SLC5A1: variants seen among roughly 807,000 people sequenced by gnomAD.
SLC5A1 encodes the protein sodium/glucose cotransporter 1.
SLC5A1 carries 42 observed loss-of-function variants against 73.5 expected under a neutral mutation model. The ratio of observed to expected loss-of-function variants is 0.57; its 90% CI spans 0.45 to 0.74. SLC5A1 has a LOEUF of 0.74. SLC5A1 is among the 30% of genes least tolerant of loss of function. The pLI, the probability that SLC5A1 is intolerant of heterozygous loss-of-function variation, is 0.00. For missense variants in SLC5A1, 634 were observed against 855.4 expected (o/e 0.74, Z 3.23); for synonymous variants, 300 against 317.4 (o/e 0.95, Z 0.58).
At chr22:32,051,917 A>G (rs1446975387) in intron 2 of SLC5A1, among the ~76,000 whole-genome samples, 3 of 152,244 alleles carry the variant, frequency 2.0e-5, no homozygotes, top group Non-Finnish European at 4.4e-5. Context: ...GTGGAGGGCC[A>G]GATTTCTTGT....
intron 1 of SLC5A1, among the ~76,000 whole-genome samples, chr22:32,044,986 A>C (rs1231366774): frequency 6.6e-6 from 1 of 152,236 alleles, no homozygotes; most frequent in African/African-American, 2.4e-5. Flanking sequence ...CCAGAATGCT[A>C]ATCCCCGTTT....
rs1414911182 is a variant in SLC5A1, at chr22:32,091,738, A to T, written c.1256A>T (p.Glu419Val). Residue 419 changes from glutamate to valine, a missense_variant, in exon 11 of 15, where the codon GAG becomes GTG. Coordinates refer to ENST00000266088, the MANE Select transcript of SLC5A1 (RefSeq NM_000343.4). The stretch of plus-strand genomic sequence containing the variant: ...GCCAAGGTCCGCAAGAGAGCATCTG[A>T]GAAAGAGCTCATGATTGCCGGAAGG... ...IYAKVRKRAS[E>V]KELMIAGRLF... 6.2e-7 allele frequency: 1 copy of T among 1,614,008 alleles called. No homozygotes were observed. The highest frequency in any genetic ancestry group is 1.7e-5 in the Admixed American group (1 of 60,006).
At chr22:32,062,301 T>C (rs907652537) in intron 2 of SLC5A1, among the ~76,000 whole-genome samples, 1 of 152,198 alleles carries the variant, frequency 6.6e-6, no homozygotes, top group Non-Finnish European at 1.5e-5. Flanking sequence ...GGTTAATTTT[T>C]CCGTACATCT....
At chr22:32,108,649 C>A (rs1276259577) in intron 14 of SLC5A1, among the ~76,000 whole-genome samples, 1 of 151,972 alleles carries the variant, frequency 6.6e-6, no homozygotes, top group African/African-American at 2.4e-5. Flanking sequence ...AGAGGCTCTA[C>A]CACAATAAGA....
chr22:32,059,418 A>G (rs2093956901), intron 2 of SLC5A1: 1 of 871,800 alleles, frequency 1.1e-6, no homozygotes, highest in Non-Finnish European at 1.4e-6. Context: ...TATTCTGCAG[A>G]TGAGGGAAGT....
chr22:32,081,868 A>T lies in SLC5A1; in HGVS notation c.480A>T (p.Ala160=). The T allele has an allele frequency of 6.2e-7, 1 of 1,609,814 alleles. No homozygotes were observed. Among genetic ancestry groups the T allele is most frequent in the Non-Finnish European group, 8.5e-7 (1 of 1,176,616 alleles). ...LLLYIFTKIS[A]DIFSGAIFIN... The stretch of plus-strand genomic sequence containing the variant: ...CTCCGCCTCTCCTCTCCTTCCAGGC[A>T]GACATCTTCTCGGGGGCCATATTCA... Residue 160 remains alanine (A), a splice_region_variant and synonymous_variant, in exon 6 of 15, where the codon GCA becomes GCT. Coordinates refer to ENST00000266088, the MANE Select transcript of SLC5A1 (RefSeq NM_000343.4).
At chr22:32,062,671 A>G (rs1166233395) in intron 2 of SLC5A1, among the ~76,000 whole-genome samples, 2 of 152,186 alleles carry the variant, frequency 1.3e-5, no homozygotes, top group East Asian at 3.9e-4. Flanking sequence ...GATTGACGGC[A>G]CTGGGTCACT....
intron 1 of SLC5A1, among the ~76,000 whole-genome samples, chr22:32,045,090 G>C (rs547389139): frequency 6.6e-6 from 1 of 152,274 alleles, no homozygotes; most frequent in Admixed American, 6.5e-5. Flanking sequence ...CTTGACTCCT[G>C]ATTTTTTATG....
intron 10 of SLC5A1, among the ~76,000 whole-genome samples, chr22:32,090,187 GT>G (rs2094014884): frequency 6.6e-6 from 1 of 151,826 alleles, no homozygotes; most frequent in Non-Finnish European, 1.5e-5. Context: ...CAATTCAGTG[GT>G]TTTTTAAGTA....
intron 12 of SLC5A1, 82 bp downstream of exon 12, chr22:32,099,433 G>T: frequency 2.3e-6 from 3 of 1,293,970 alleles, no homozygotes; most frequent in Non-Finnish European, 2.2e-6. Context: ...CTGTGGGAGG[G>T]ATTCTATTTC....
Position 32,084,991 on chromosome 22 carries a change from T to C in SLC5A1, c.977T>C (p.Phe326Ser). 1 of 1,614,214 alleles carries C rather than the reference T, an allele frequency of 6.2e-7. No homozygotes were observed. Among genetic ancestry groups the C allele is most frequent in the Non-Finnish European group, 8.5e-7 (1 of 1,180,028 alleles). ...GGGTATCTAAAGCTGATGCCCATGT[T>C]CATCATGGTGATGCCAGGAATGATC... ...LCGYLKLMPM[F>S]IMVMPGMISR... The change falls in exon 9 of 15, where the codon TTC (phenylalanine) becomes TCC (serine). Residue 326 changes from phenylalanine (F) to serine (S), a missense_variant. This residue lies in a region of SLC5A1 where 422 missense variants were observed against 626.1 expected (regional missense o/e 0.67). Transcript: ENST00000266088.
In SLC5A1 at chr22:32,066,922, T is replaced by A. The variant is rs200261297; in HGVS notation, c.208-13T>A. ...GCACAGAGCCCTCACCTGACTTTCT[T>A]TTGCGTTTCCAGATTGGAGCCTCCC... On this transcript the variant is annotated splice_polypyrimidine_tract_variant and intron_variant, in intron 2 of 14. Transcript: ENST00000266088. 23 of 1,604,284 alleles carry A rather than the reference T, an allele frequency of 1.4e-5. No homozygotes were observed. In the East Asian group the frequency reaches 4.5e-4, roughly 31 times the overall value.
At chr22:32,086,390 C>T (rs1414390087) in intron 10 of SLC5A1, 63 bp downstream of exon 10, 1 of 1,064,062 alleles carries the variant, frequency 9.4e-7, no homozygotes, top group African/African-American at 1.6e-5. Context: ...GTTTAGGCAC[C>T]ACCTACATTC....
intron 11 of SLC5A1, among the ~76,000 whole-genome samples, chr22:32,092,277 C>T (rs1339793618): frequency 6.6e-6 from 1 of 152,162 alleles, no homozygotes; most frequent in Non-Finnish European, 1.5e-5. Context: ...GCCATTAATT[C>T]GTTCCTTTTT....
At position 32,110,523 on chromosome 22, in the gene SLC5A1, C is replaced by A; in HGVS notation, c.*310C>A. The A allele has an allele frequency of 2.3e-6, 1 of 440,968 alleles. No individual in the cohort carries two copies. Among genetic ancestry groups the A allele is most frequent in the Non-Finnish European group, 4.2e-6 (1 of 237,304 alleles). The allele number at this position is 440,968 out of a possible 1,614,324, so 27.3% of individuals were successfully genotyped here. On this transcript the variant is annotated 3_prime_UTR_variant, in exon 15 of 15. Transcript: ENST00000266088. The stretch of plus-strand genomic sequence containing the variant: ...ATTGATGTCTGACGTGAGTCTGTCT[C>A]AGGTAGATTCCGGGTGTCAGTGTGG...
chr22:32,059,513 G>A (rs551332081), intron 2 of SLC5A1, among the ~76,000 whole-genome samples: 1 of 152,308 alleles, frequency 6.6e-6, no homozygotes, highest in African/African-American at 2.4e-5. Context: ...GGAAAGCACA[G>A]AGCACATCTT....
intron 11 of SLC5A1, among the ~76,000 whole-genome samples, chr22:32,097,495 C>A (rs2094028147): frequency 6.6e-6 from 1 of 152,184 alleles, no homozygotes; most frequent in Non-Finnish European, 1.5e-5. Context: ...GAAGAGCTTG[C>A]AAGGACATCT....
chr22:32,068,254 G>T (rs528020522), intron 4 of SLC5A1, among the ~76,000 whole-genome samples: 1 of 152,252 alleles, frequency 6.6e-6, no homozygotes, highest in South Asian at 2.1e-4. Context: ...CCAGTGACAG[G>T]TTTATTGGGC....
intron 2 of SLC5A1, among the ~76,000 whole-genome samples, chr22:32,062,204 G>A (rs964963417): frequency 3.3e-5 from 5 of 152,178 alleles, no homozygotes; most frequent in African/African-American, 1.2e-4. Context: ...TATGCATTAA[G>A]AACTGACCAT....
Sources: gnomAD v4.1 joint callset for allele counts (sites outside exome capture counted in the v4.1 genomes callset) on GRCh38, gnomAD v4.1.1 for gene constraint, gnomAD v4.1.1 regional missense constraint, MANE v1.5 for transcripts, NCBI Gene and HGNC (gene_info 2026-07-23, HGNC 2026-07-21) for gene names.